NDST1: variants seen among roughly 807,000 people sequenced by gnomAD.
NDST1 encodes the protein bifunctional heparan sulfate N-deacetylase/N-sulfotransferase 1.
NDST1 carries 35 observed loss-of-function variants against 92.8 expected under a neutral mutation model. That is an observed-to-expected ratio of 0.38 (90% CI 0.29 to 0.50). The LOEUF (loss-of-function observed/expected upper bound fraction) is 0.50. NDST1 is among the 20% of genes least tolerant of loss of function. The pLI is 0.94. For synonymous variants in NDST1, 493 were observed against 500.3 expected (o/e 0.99, Z 0.19); for missense variants, 822 against 1,182.7 (o/e 0.69, Z 4.47).
In NDST1 at chr5:150,528,136, C is replaced by G. The variant is rs551604646; in HGVS notation, c.846C>G (p.Gly282=). 5.0e-6 allele frequency: 8 copies of G among 1,614,236 alleles called. No individual in the cohort carries two copies. The African/African-American group carries it at 1.1e-4, about 22-fold the overall frequency. The change falls in exon 3 of 15, where the codon GGC becomes GGG. Residue 282 remains glycine (G), a synonymous_variant. Transcript: ENST00000261797. ...ACGGCATCCAGCGCGTGCTGTTTGG[C>G]AACAACCTGAACTTCTGGCTGCACA... is the stretch of plus-strand genomic sequence containing the variant. The part of the protein sequence containing the change: ...LHDGIQRVLF[G]NNLNFWLHKL...
chr5:150,527,161 G>A (rs928369618), intron 2 of NDST1, among the ~76,000 whole-genome samples: 5 of 152,210 alleles, frequency 3.3e-5, no homozygotes, highest in Non-Finnish European at 7.4e-5. Flanking sequence ...GCTAGGGCTC[G>A]ACCTCTTGGC....
At chr5:150,519,383 C>T (rs1029243296) in intron 1 of NDST1, among the ~76,000 whole-genome samples, 2 of 152,214 alleles carry the variant, frequency 1.3e-5, no homozygotes, top group Non-Finnish European at 2.9e-5. Context: ...GGGCAACTCT[C>T]CTTCTAGCTT....
At chr5:150,549,372 A>G (rs752031457) in intron 12 of NDST1, among the ~76,000 whole-genome samples, 7 of 152,166 alleles carry the variant, frequency 4.6e-5, no homozygotes, top group Non-Finnish European at 8.8e-5. Context: ...GGAGAGTGAC[A>G]TGGACTGGAA....
Position 150,554,094 on chromosome 5 carries a change from T to C in NDST1, c.*762T>C, listed in dbSNP as rs1581417981. ...GTAAAAGACTGAGGCAGGCCAGGGG[T>C]CTGCCAGTAACATGTTCCCATGTAC... On this transcript the variant is annotated 3_prime_UTR_variant, in exon 15 of 15. Coordinates refer to ENST00000261797, the MANE Select transcript of NDST1 (RefSeq NM_001543.5). 1 of 401,440 alleles carries C rather than the reference T, an allele frequency of 2.5e-6. No homozygotes were observed. The highest frequency in any genetic ancestry group is 3.6e-5 in the East Asian group (1 of 28,082). The allele number at this position is 401,440 out of a possible 1,614,324, so 24.9% of individuals were successfully genotyped here. A position where few individuals can be genotyped will look rare whatever the true frequency, so the allele number is the denominator to read the frequency against.
Position 150,542,948 on chromosome 5 carries a change from C to A in NDST1, c.1947C>A (p.His649Gln). 6.2e-7 allele frequency: 1 copy of A among 1,614,114 alleles called. No homozygotes were observed. The highest frequency in any genetic ancestry group is 1.1e-5 in the South Asian group (1 of 91,084). ...TFEEIQFFNGHNYHKGIDWYM... is the reference protein window; with the variant it reads ...TFEEIQFFNGQNYHKGIDWYM... Reference sequence around the variant, plus strand: ...AGGAGATCCAGTTTTTTAATGGCCACAACTATCACAAAGGCATCGACTGGT... The same window carrying A: ...AGGAGATCCAGTTTTTTAATGGCCAAAACTATCACAAAGGCATCGACTGGT... The change falls in exon 10 of 15, where the codon CAC becomes CAA. Residue 649 changes from histidine to glutamine, a missense_variant. Transcript: ENST00000261797.
rs144383145 is a variant in NDST1 at position 150,530,774 on chromosome 5, G to A, written c.1009-2171G>A. ...CAGGTTTTGCCATATTGCCCAGGCC[G>A]ATCTGGAACTCCTGGAGTCAAGTGC... is the stretch of plus-strand genomic sequence containing the variant. On this transcript the variant is annotated intron_variant, in intron 3 of 14. Transcript: ENST00000261797. Among the ~76,000 whole-genome samples, 527 of 152,046 alleles carry A rather than the reference G, an allele frequency of 3.5e-3. 3 individuals are homozygous for A. The highest frequency in any genetic ancestry group is 0.012 in the African/African-American group (501 of 41,458).
chr5:150,506,782 C>T (rs912373550), upstream of NDST1, among the ~76,000 whole-genome samples: 7 of 152,060 alleles, frequency 4.6e-5, no homozygotes, highest in South Asian at 4.2e-4. Flanking sequence ...CAGCTTTTGT[C>T]GTGATGACAA....
intron 10 of NDST1, among the ~76,000 whole-genome samples, chr5:150,544,057 G>A (rs1443751134): frequency 1.3e-5 from 2 of 152,186 alleles, no homozygotes; most frequent in Non-Finnish European, 2.9e-5. Context: ...GGATTACGGC[G>A]TGCGCCACTG....
At position 150,553,522 on chromosome 5, in the gene NDST1, G is replaced by A; in HGVS notation, c.*190G>A. Reference sequence around the variant, plus strand: ...AAGCACCTCGGAGCACCCACCGCTGGGTCTGCGGCCTAAGGGACCTCCCTC... The same window carrying A: ...AAGCACCTCGGAGCACCCACCGCTGAGTCTGCGGCCTAAGGGACCTCCCTC... On this transcript the variant is annotated 3_prime_UTR_variant, in exon 15 of 15. Transcript: ENST00000261797. The surrounding 1 kb of genome is among the most constrained non-coding windows in gnomAD (Gnocchi z 4.2). 1 of 745,496 alleles carries A rather than the reference G, an allele frequency of 1.3e-6. No individual in the cohort carries two copies. Among genetic ancestry groups the A allele is most frequent in the South Asian group, 1.5e-5 (1 of 68,516 alleles). 46.2% of individuals were successfully genotyped at this position (745,496 alleles called of 1,614,324 possible). A position where few individuals can be genotyped will look rare whatever the true frequency, so the allele number is the denominator to read the frequency against.
chr5:150,505,466 G>C (rs919543517), upstream of NDST1, among the ~76,000 whole-genome samples: 3 of 152,192 alleles, frequency 2.0e-5, no homozygotes, highest in Admixed American at 6.5e-5. Flanking sequence ...TAAGCAAGTT[G>C]CTTAATCTCT....
At chr5:150,515,109 A>G (rs1753899521) in intron 1 of NDST1, among the ~76,000 whole-genome samples, 1 of 152,210 alleles carries the variant, frequency 6.6e-6, no homozygotes. Flanking sequence ...CCACATGCTC[A>G]GGTGCACCCA....
chr5:150,522,413 G>C (rs1198256789), intron 2 of NDST1, among the ~76,000 whole-genome samples: 1 of 152,092 alleles, frequency 6.6e-6, no homozygotes, highest in Non-Finnish European at 1.5e-5. Context: ...CTTGCAGGAA[G>C]GGTGTCCCAG....
intron 4 of NDST1, among the ~76,000 whole-genome samples, chr5:150,533,312 C>T (rs1305879876): frequency 1.3e-5 from 2 of 152,350 alleles, no homozygotes; most frequent in South Asian, 2.1e-4. Context: ...TCCCTCTTGC[C>T]TCTCCCTCCT....
intron 10 of NDST1, among the ~76,000 whole-genome samples, chr5:150,543,820 C>T (rs1250211961): frequency 1.3e-5 from 2 of 151,628 alleles, no homozygotes; most frequent in African/African-American, 4.9e-5. Context: ...CGCTCTGTCA[C>T]CCAGGCTGCA....
At position 150,549,733 on chromosome 5, in the gene NDST1, T is replaced by C; in HGVS notation, c.2372T>C (p.Met791Thr). The C allele has an allele frequency of 1.2e-6, 2 of 1,614,112 alleles. No homozygotes were observed. Among genetic ancestry groups the C allele is most frequent in the Non-Finnish European group, 1.7e-6 (2 of 1,179,962 alleles). The change falls in exon 13 of 15, where the codon ATG (methionine) becomes ACG (threonine). Residue 791 changes from methionine to threonine, a missense_variant. Transcript: ENST00000261797. ...LRTEPAKVMDMVQKFLGVTNT... is the reference protein window; with the variant it reads ...LRTEPAKVMDTVQKFLGVTNT... The stretch of plus-strand genomic sequence containing the variant: ...ACAGAACCTGCCAAAGTGATGGACA[T>C]GGTGCAGAAGTTCCTTGGGGTGACC...
chr5:150,541,609 AAGG>A lies in NDST1; in HGVS notation c.1792_1794del (p.Glu598del). The A allele has an allele frequency of 6.2e-7, 1 of 1,614,206 alleles. No homozygotes were observed. The highest frequency in any genetic ancestry group is 8.5e-7 in the Non-Finnish European group (1 of 1,180,040). Reference sequence around the variant, plus strand: ...CAAACGTCACAAAGACATCTGGTCCAAGGAGAAGACGTGTGACCGCTTCCCAAA... The same window carrying A: ...CAAACGTCACAAAGACATCTGGTCCAAGAAGACGTGTGACCGCTTCCCAAA... On this transcript the variant is annotated inframe_deletion, in exon 9 of 15. Coordinates refer to ENST00000261797, the MANE Select transcript of NDST1 (RefSeq NM_001543.5).
At chr5:150,540,402 C>G (rs189960285) in intron 8 of NDST1, 138 bp downstream of exon 8, 1 of 919,400 alleles carries the variant, frequency 1.1e-6, no homozygotes. Context: ...AGGTCCCCAT[C>G]TACTTACCAG....
At chr5:150,505,928 G>C (rs957103885), upstream of NDST1, among the ~76,000 whole-genome samples, 2 of 151,984 alleles carry the variant, frequency 1.3e-5, no homozygotes, top group African/African-American at 4.8e-5. Context: ...CTACAGGCTC[G>C]TGTCACCATG....
At chr5:150,513,855 G>A (rs1276509900) in intron 1 of NDST1, among the ~76,000 whole-genome samples, 1 of 152,222 alleles carries the variant, frequency 6.6e-6, no homozygotes, top group South Asian at 2.1e-4. Context: ...TTTTCAGGTG[G>A]GGATGTTAGA....
Sources: gnomAD v4.1 joint callset for allele counts (sites outside exome capture counted in the v4.1 genomes callset) on GRCh38, gnomAD v4.1.1 for gene constraint, Gnocchi (gnomAD v3.1) non-coding constraint, MANE v1.5 for transcripts, NCBI Gene and HGNC (gene_info 2026-07-23, HGNC 2026-07-21) for gene names.